The following DLC1 variants were observed in gnomAD, a reference collection of about 807,000 sequenced individuals.
DLC1 encodes the protein rho GTPase-activating protein 7.
In DLC1, 54 loss-of-function variants were observed where a neutral mutation model predicts 140.3. That is an observed-to-expected ratio of 0.38 (90% confidence interval 0.31 to 0.48). DLC1 has a LOEUF of 0.48. Among genes scored for constraint, DLC1 ranks in the 20% least tolerant of loss-of-function variants. The pLI, the probability that DLC1 is intolerant of heterozygous loss-of-function variation, is 0.96. For missense variants in DLC1, 2,536 were observed against 1,907.0 expected, an observed-to-expected ratio of 1.33 and a Z score of -6.14; for synonymous variants, 986 against 728.1, an observed-to-expected ratio of 1.35 and a Z score of -5.70.
Position 13,217,845 on chromosome 8 carries a change from A to AC in DLC1, c.1348+87423_1348+87424insG, listed in dbSNP as rs374713092. ...AGAGTGAGACTCCATTTCAAAAAAA[A>AC]AACAACAACAAAAAAAAACCAACCA... On this transcript the variant is annotated intron_variant, in intron 5 of 17. Coordinates refer to ENST00000276297, the MANE Select transcript of DLC1 (RefSeq NM_182643.3). Among the ~76,000 whole-genome samples, 20 of 151,530 alleles carry AC rather than the reference A, an allele frequency of 1.3e-4. No homozygotes were observed. In the East Asian group the frequency reaches 3.1e-3, roughly 23 times the overall value.
At chr8:13,567,530 A>C in intron 1 of DLC1, 1 of 1,551,878 alleles carries the variant, frequency 6.4e-7, no homozygotes, top group Non-Finnish European at 8.7e-7. Context: ...TACTTTAAAA[A>C]CATGAGGACA....
chr8:13,102,801 G>A lies in DLC1; in HGVS notation c.1555C>T (p.His519Tyr), dbSNP rs1302501700. 6.2e-7 allele frequency: 1 copy of A among 1,613,972 alleles called. No individual in the cohort carries two copies. The change falls in exon 8 of 18, where the codon CAT becomes TAT. Residue 519 changes from histidine to tyrosine, a missense_variant. Transcript: ENST00000276297. The stretch of plus-strand genomic sequence containing the variant: ...ATTTGTATACTCACTCGTTTCCGAT[G>A]AGGACTAATTTCTAGCTTCATCACC... ...CAVMKLEISP[H>Y]RKRSDDSDED...
intron 5 of DLC1, among the ~76,000 whole-genome samples, chr8:13,239,808 T>G (rs756425840): frequency 6.6e-6 from 1 of 152,138 alleles, no homozygotes; most frequent in Non-Finnish European, 1.5e-5. Flanking sequence ...TCCGGCAGAA[T>G]TGTAACCCAG....
At chr8:13,244,886 C>T (rs1008788396) in intron 5 of DLC1, among the ~76,000 whole-genome samples, 1 of 152,190 alleles carries the variant, frequency 6.6e-6, no homozygotes, top group Non-Finnish European at 1.5e-5. Flanking sequence ...TTTAACCATT[C>T]CAGGCAAGAA....
chr8:13,134,751 G>C (rs761280981), intron 5 of DLC1, among the ~76,000 whole-genome samples: 1 of 152,026 alleles, frequency 6.6e-6, no homozygotes, highest in Non-Finnish European at 1.5e-5. Flanking sequence ...TTGATCCCGG[G>C]AGCTTGAGAC....
chr8:13,470,204 A>C (rs528134970), intron 2 of DLC1, among the ~76,000 whole-genome samples: 1 of 152,346 alleles, frequency 6.6e-6, no homozygotes, highest in African/African-American at 2.4e-5. Flanking sequence ...ATAAGTTAAA[A>C]GTACTTCAGA....
At chr8:13,118,967 GT>G (rs1820804967) in intron 5 of DLC1, among the ~76,000 whole-genome samples, 1 of 152,114 alleles carries the variant, frequency 6.6e-6, no homozygotes, top group African/African-American at 2.4e-5. Flanking sequence ...GGTGACTCAC[GT>G]TTGTAGTCTC....
chr8:13,556,247 C>T (rs1193829888), intron 1 of DLC1, among the ~76,000 whole-genome samples: 1 of 152,054 alleles, frequency 6.6e-6, no homozygotes, highest in Admixed American at 6.6e-5. Flanking sequence ...TGATTTTGCC[C>T]TCCTAAAACA....
At chr8:13,280,509 C>A (rs1386831415) in intron 5 of DLC1, among the ~76,000 whole-genome samples, 5 of 152,014 alleles carry the variant, frequency 3.3e-5, no homozygotes, top group Non-Finnish European at 7.4e-5. Flanking sequence ...CTAATATTTT[C>A]CATATAAGAA....
chr8:13,505,335 T>A (rs1187864733), intron 1 of DLC1, among the ~76,000 whole-genome samples: 1 of 151,564 alleles, frequency 6.6e-6, no homozygotes, highest in African/African-American at 2.4e-5. Context: ...AGTTAACAGA[T>A]AATGTTTAAA....
Position 13,539,750 on chromosome 8 carries a change from A to ATGTGTGTGTGTG in DLC1, c.-125-39566_-125-39555dup, listed in dbSNP as rs71207162. ...ATGAGGCATTAAGAAATGTGTGTGT[A>ATGTGTGTGTGTG]TGTGTGTGTGTGTGTGTGTGTGTGT... On this transcript the variant is annotated intron_variant, in intron 1 of 1. Transcript: ENST00000631382. Among the ~76,000 whole-genome samples, 73 of 147,276 alleles carry ATGTGTGTGTGTG rather than the reference A, an allele frequency of 5.0e-4. No individual in the cohort carries two copies. In the East Asian group the frequency reaches 6.8e-3, roughly 14 times the overall value.
At chr8:13,483,400 T>C (rs1399227427) in intron 2 of DLC1, among the ~76,000 whole-genome samples, 1 of 152,194 alleles carries the variant, frequency 6.6e-6, no homozygotes, top group East Asian at 1.9e-4. Flanking sequence ...AGTGAATAGA[T>C]GGTTCCAATC....
In DLC1 at chr8:13,115,752, C is replaced by T. The variant is rs1238623399; in HGVS notation, c.1349-95G>A. On this transcript the variant is annotated intron_variant, in intron 5 of 17. Transcript: ENST00000276297. ...CTTTCGTTTTATGATACAAGCAAAA[C>T]ATGACTGCCATAGAAAATACAGATA... The T allele has an allele frequency of 1.7e-5, 19 of 1,111,232 alleles. No individual in the cohort carries two copies. The East Asian group carries it at 4.1e-4, about 24-fold the overall frequency. The allele number at this position is 1,111,232 out of a possible 1,614,324, so 68.8% of individuals were successfully genotyped here.
chr8:13,366,390 G>A (rs892572133), intron 4 of DLC1, among the ~76,000 whole-genome samples: 2 of 152,180 alleles, frequency 1.3e-5, no homozygotes, highest in Admixed American at 1.3e-4. Context: ...ATGGCCCCAT[G>A]AAACTTGCAG....
chr8:13,450,362 C>G (rs950634191), intron 2 of DLC1, among the ~76,000 whole-genome samples: 2 of 140,954 alleles, frequency 1.4e-5, no homozygotes, highest in Non-Finnish European at 3.0e-5. Context: ...AGCTGAGGCA[C>G]GAGAATCACT....
At position 13,201,401 on chromosome 8, in the gene DLC1, A is replaced by G. The variant is rs1383767008; in HGVS notation, c.1349-85744T>C. On this transcript the variant is annotated intron_variant, in intron 5 of 17. Transcript: ENST00000276297. ...AGTGTAAAACCTACATTAAAAAAGC[A>G]TAAGAACAAATACAAATATTTTATA... 2.3e-4 allele frequency among the ~76,000 whole-genome samples: 35 copies of G among 152,244 alleles called. 1 individual carries two copies. Among genetic ancestry groups the G allele is most frequent in the Admixed American group, 2.3e-3 (35 of 15,284 alleles).
chr8:13,165,537 C>T (rs1474455968), intron 5 of DLC1, among the ~76,000 whole-genome samples: 1 of 152,222 alleles, frequency 6.6e-6, no homozygotes, highest in African/African-American at 2.4e-5. Context: ...CCATCTCTAA[C>T]ACAATGCTGT....
intron 5 of DLC1, among the ~76,000 whole-genome samples, chr8:13,282,325 G>A (rs118174905): frequency 6.6e-6 from 1 of 152,138 alleles, no homozygotes; most frequent in Non-Finnish European, 1.5e-5. Context: ...AAAATATTTA[G>A]CAGAGAGGTA....
intron 2 of DLC1, 171 bp downstream of exon 2, chr8:13,498,878 T>G (rs1801636076): frequency 1.5e-6 from 1 of 654,810 alleles, no homozygotes; most frequent in African/African-American, 1.8e-5. Flanking sequence ...ATTCTTTAAT[T>G]TTTACATATT....
Sources: allele counts gnomAD v4.1 joint callset (sites outside exome capture counted in the v4.1 genomes callset), GRCh38; gene constraint gnomAD v4.1.1; transcripts MANE v1.5; gene names NCBI Gene and HGNC (gene_info 2026-07-23, HGNC 2026-07-21).